TESC: variants seen among roughly 807,000 people sequenced by gnomAD.
TESC encodes calcineurin B homologous protein 3.
Under a neutral mutation model 31.0 loss-of-function variants are expected in TESC, and 19 were observed. The ratio of observed to expected loss-of-function variants is 0.61; its 90% confidence interval spans 0.43 to 0.90. The LOEUF is 0.90. Among genes scored for constraint, TESC ranks in the 40% least tolerant of loss-of-function variants. The pLI, the probability that TESC is intolerant of heterozygous loss-of-function variation, is 0.00. For missense variants in TESC, 248 were observed against 303.8 expected, an observed-to-expected ratio of 0.82 and a Z score of 1.36; for synonymous variants, 109 against 114.8, an observed-to-expected ratio of 0.95 and a Z score of 0.32.
intron 2 of TESC, among the ~76,000 whole-genome samples, chr12:117,062,711 G>A (rs995300714): frequency 6.6e-6 from 1 of 152,214 alleles, no homozygotes; most frequent in Admixed American, 6.5e-5. Flanking sequence ...GCTTAGGACA[G>A]GCTAACCTTT....
intron 1 of TESC, among the ~76,000 whole-genome samples, chr12:117,092,956 A>C: frequency 1.3e-5 from 2 of 152,100 alleles, no homozygotes; most frequent in Non-Finnish European, 2.9e-5. Flanking sequence ...ATCCTATTTC[A>C]TGGGGTTCAT....
intron 2 of TESC, among the ~76,000 whole-genome samples, chr12:117,071,152 C>T (rs1954966939): frequency 6.6e-6 from 1 of 152,200 alleles, no homozygotes; most frequent in Non-Finnish European, 1.5e-5. Flanking sequence ...CTCACGTAGG[C>T]CACGCTTCCT....
In TESC at chr12:117,038,999, C is replaced by T. The variant is rs1954440566; in HGVS notation, c.*134G>A. The T allele has an allele frequency of 2.3e-6, 2 of 863,230 alleles. No individual in the cohort carries two copies. The highest frequency in any genetic ancestry group is 5.4e-5 in the East Asian group (2 of 37,156). The allele number at this position is 863,230 out of a possible 1,614,324, so 53.5% of individuals were successfully genotyped here. A position where few individuals can be genotyped will look rare whatever the true frequency, so the allele number is the denominator to read the frequency against. On this transcript the variant is annotated 3_prime_UTR_variant, in exon 8 of 8. Coordinates refer to ENST00000335209, the MANE Select transcript of TESC (RefSeq NM_017899.4). ...CCCACATACCATACCCTACAAGACA[C>T]AAGGTGCGCAGACGAGCCTTGGCTA...
chr12:117,068,185 C>T (rs1954913604), intron 2 of TESC, among the ~76,000 whole-genome samples: 2 of 152,142 alleles, frequency 1.3e-5, no homozygotes, highest in South Asian at 2.1e-4. Flanking sequence ...TGAGCTACTG[C>T]ACTGGGCCAA....
chr12:117,093,118 C>T (rs1012014732), intron 1 of TESC, among the ~76,000 whole-genome samples: 1 of 152,156 alleles, frequency 6.6e-6, no homozygotes, highest in African/African-American at 2.4e-5. Flanking sequence ...GCCCATCAGA[C>T]CCTTCCTCCC....
intron 1 of TESC, among the ~76,000 whole-genome samples, chr12:117,081,774 C>T (rs1376753409): frequency 6.6e-6 from 1 of 151,884 alleles, no homozygotes; most frequent in African/African-American, 2.4e-5. Flanking sequence ...TGTGGTGGTG[C>T]ATGCCTGTAA....
At chr12:117,079,210 G>C (rs1247388593) in intron 1 of TESC, among the ~76,000 whole-genome samples, 1 of 152,122 alleles carries the variant, frequency 6.6e-6, no homozygotes, top group Non-Finnish European at 1.5e-5. Flanking sequence ...ACACTGATCT[G>C]AAGATAAATA....
At chr12:117,091,853 C>T (rs1955315020) in intron 1 of TESC, among the ~76,000 whole-genome samples, 1 of 152,152 alleles carries the variant, frequency 6.6e-6, no homozygotes, top group South Asian at 2.1e-4. Context: ...ACTCTACTGA[C>T]GAGGTTGTGG....
At chr12:117,060,691 G>A (rs747045853) in intron 2 of TESC, among the ~76,000 whole-genome samples, 23 of 152,150 alleles carry the variant, frequency 1.5e-4, no homozygotes, top group Non-Finnish European at 2.6e-4. Context: ...TCGGCAACCT[G>A]CCCCAGCTCA....
At chr12:117,095,413 C>T (rs886527839) in intron 1 of TESC, among the ~76,000 whole-genome samples, 13 of 152,236 alleles carry the variant, frequency 8.5e-5, no homozygotes, top group South Asian at 4.1e-4. Context: ...GGCTCCCGTA[C>T]GTAAACACCT....
At chr12:117,094,806 A>T (rs1173124216) in intron 1 of TESC, among the ~76,000 whole-genome samples, 2 of 152,036 alleles carry the variant, frequency 1.3e-5, no homozygotes, top group African/African-American at 4.8e-5. Context: ...ACTTAAGGTC[A>T]GGAGTTTCAG....
At position 117,099,272 on chromosome 12, in the gene TESC, G is replaced by C; in HGVS notation, c.11C>G (p.Ala4Gly). The change falls in exon 1 of 8, where the codon GCC (alanine) becomes GGC (glycine). Residue 4 changes from alanine to glycine, a missense_variant. Ala to Gly is a moderately conservative substitution (Grantham distance 60, BLOSUM62 0). Coordinates refer to ENST00000335209, the MANE Select transcript of TESC (RefSeq NM_017899.4). ...CCGCACCTCCTCAGACGCGGAGTGG[G>C]CAGCGCCCATGGTGCCCGCGGCGGG... The part of the protein sequence containing the change: MGA[A>G]HSASEEVREL... The C allele has an allele frequency of 1.4e-6, 2 of 1,456,420 alleles. No homozygotes were observed. Among genetic ancestry groups the C allele is most frequent in the Non-Finnish European group, 1.8e-6 (2 of 1,111,244 alleles). The allele number at this position is 1,456,420 out of a possible 1,614,324, so 90.2% of individuals were successfully genotyped here. A position where few individuals can be genotyped will look rare whatever the true frequency, so the allele number is the denominator to read the frequency against.
intron 1 of TESC, among the ~76,000 whole-genome samples, chr12:117,088,457 C>T (rs764561209): frequency 6.6e-6 from 1 of 151,968 alleles, no homozygotes; most frequent in Non-Finnish European, 1.5e-5. Flanking sequence ...GAGGCGGGTG[C>T]ATCACTGGAG....
intron 7 of TESC, among the ~76,000 whole-genome samples, chr12:117,039,901 C>G (rs146110713): frequency 7.2e-4 from 110 of 152,362 alleles, no homozygotes; most frequent in African/African-American, 2.1e-3. Context: ...ATGTATGTAC[C>G]CCAGTGCTCC....
intron 1 of TESC, among the ~76,000 whole-genome samples, chr12:117,093,781 ATTTTT>A (rs35866896): frequency 7.1e-6 from 1 of 141,586 alleles, no homozygotes; most frequent in Non-Finnish European, 1.5e-5. Context: ...AGGTCTGGAG[ATTTTT>A]TTTTTTTTTT....
intron 1 of TESC, chr12:117,083,985 T>A (rs934568409): frequency 1.3e-5 from 2 of 150,730 alleles, no homozygotes. Context: ...TCCCAGCTTC[T>A]GGGGAGGCTG....
At chr12:117,087,450 G>A (rs1465491546) in intron 1 of TESC, among the ~76,000 whole-genome samples, 1 of 152,102 alleles carries the variant, frequency 6.6e-6, no homozygotes, top group African/African-American at 2.4e-5. Context: ...GATCTCTGCG[G>A]GTTTTTTCCT....
intron 1 of TESC, among the ~76,000 whole-genome samples, chr12:117,087,395 G>A (rs769870433): frequency 1.3e-5 from 2 of 152,136 alleles, no homozygotes; most frequent in Non-Finnish European, 2.9e-5. Context: ...ACAGGCCCAC[G>A]TCAGCAGTGT....
Position 117,049,268 on chromosome 12 carries a change from G to A in TESC, c.210-110C>T, listed in dbSNP as rs916382975. ...CTCTCAGGGTGCACACTGGACCCAC[G>A]ATGGCTGCTCTCGCCTTGCGTCTGT... On this transcript the variant is annotated intron_variant, in intron 3 of 7. Coordinates refer to ENST00000335209, the MANE Select transcript of TESC (RefSeq NM_017899.4). 1.3e-5 allele frequency: 19 copies of A among 1,468,406 alleles called. No homozygotes were observed. In the East Asian group the frequency reaches 1.8e-4, roughly 14 times the overall value. 91.0% of individuals were successfully genotyped at this position (1,468,406 alleles called of 1,614,324 possible).
Sources: gnomAD v4.1 joint callset for allele counts (sites outside exome capture counted in the v4.1 genomes callset) on GRCh38, gnomAD v4.1.1 for gene constraint, MANE v1.5 for transcripts, NCBI Gene and HGNC (gene_info 2026-07-23, HGNC 2026-07-21) for gene names.